ANKRD50: variants seen among roughly 807,000 people sequenced by gnomAD.
The protein encoded by ANKRD50 is ankyrin repeat domain-containing protein 50.
ANKRD50 carries 40 observed loss-of-function variants against 112.0 expected under a neutral mutation model. That is an observed-to-expected ratio of 0.36 (90% CI 0.28 to 0.46). The LOEUF (loss-of-function observed/expected upper bound fraction) is 0.46. Among genes scored for constraint, ANKRD50 ranks in the 20% least tolerant of loss-of-function variants. The pLI, the probability that ANKRD50 is intolerant of heterozygous loss-of-function variation, is 1.00. For synonymous variants in ANKRD50, 613 were observed against 619.1 expected, an observed-to-expected ratio of 0.99 and a Z score of 0.15; for missense variants, 1,487 against 1,701.7, an observed-to-expected ratio of 0.87 and a Z score of 2.22.
chr4:124,677,891 C>A (rs1374085316), intron 3 of ANKRD50, among the ~76,000 whole-genome samples: 1 of 152,010 alleles, frequency 6.6e-6, no homozygotes, highest in African/African-American at 2.4e-5. Flanking sequence ...GCCTGACATA[C>A]TAAATGCTAC....
intron 2 of ANKRD50, among the ~76,000 whole-genome samples, chr4:124,698,745 C>T (rs1725313574): frequency 1.3e-5 from 2 of 152,150 alleles, no homozygotes; most frequent in South Asian, 4.1e-4. Flanking sequence ...AATGCACAAA[C>T]CATCCAATTG....
In ANKRD50 at chr4:124,670,524, C is replaced by A. The variant is rs368050510; in HGVS notation, c.2753G>T (p.Arg918Leu). 6.2e-7 allele frequency: 1 copy of A among 1,613,426 alleles called. No homozygotes were observed. ...CCTGTGCCCTTCTAATGCAGCAACC[C>A]GCAGTGCATTTCTTCCATCATAACC... ...QRGYDGRNAL[R>L]VAALEGHRDI... Residue 918 changes from arginine (R) to leucine (L), a missense_variant, in exon 4 of 5, where the codon CGG (arginine) becomes CTG (leucine). Transcript: ENST00000504087.
chr4:124,682,980 A>G (rs1326201777), intron 2 of ANKRD50, among the ~76,000 whole-genome samples: 1 of 151,976 alleles, frequency 6.6e-6, no homozygotes, highest in Non-Finnish European at 1.5e-5. Flanking sequence ...GAATTGTTAG[A>G]TTAAGGGACA....
chr4:124,691,532 A>G (rs1338179722), intron 2 of ANKRD50, among the ~76,000 whole-genome samples: 2 of 149,654 alleles, frequency 1.3e-5, no homozygotes, highest in Admixed American at 1.3e-4. Context: ...AAAGGAGAAC[A>G]GTACTTAACA....
At chr4:124,690,618 A>C (rs182502559) in intron 2 of ANKRD50, among the ~76,000 whole-genome samples, 1 of 152,330 alleles carries the variant, frequency 6.6e-6, no homozygotes, top group Admixed American at 6.5e-5. Flanking sequence ...TTACAAATTA[A>C]AGTGTTACCT....
rs1301858383 is a variant in ANKRD50 at position 124,682,332 on chromosome 4, A to G, written c.513-3427T>C. Among the ~76,000 whole-genome samples, 11 of 71,216 alleles carry G rather than the reference A, an allele frequency of 1.5e-4. No individual in the cohort carries two copies. The East Asian group carries it at 5.7e-3, about 37-fold the overall frequency. The allele number at this position is 71,216 out of a possible 152,430, so 46.7% of individuals were successfully genotyped here. A position where few individuals can be genotyped will look rare whatever the true frequency, so the allele number is the denominator to read the frequency against. Reference sequence around the variant, plus strand: ...AGCAAGACTCCGTCTCAAAAAAAAAAAAAAAAAAAAAAAAAAAAAGAATGC... The same window carrying G: ...AGCAAGACTCCGTCTCAAAAAAAAAGAAAAAAAAAAAAAAAAAAAGAATGC... On this transcript the variant is annotated intron_variant, in intron 2 of 4. Coordinates refer to ENST00000504087, the MANE Select transcript of ANKRD50 (RefSeq NM_020337.3).
rs761605809 is a variant in ANKRD50, at chr4:124,671,200, CAATCTCTCT to C, written c.2068_2076del (p.Arg690_Ile692del). The C allele has an allele frequency of 6.2e-7, 1 of 1,613,912 alleles. No individual in the cohort carries two copies. The highest frequency in any genetic ancestry group is 8.5e-7 in the Non-Finnish European group (1 of 1,179,862). On this transcript the variant is annotated inframe_deletion, in exon 4 of 5. Transcript: ENST00000504087. The stretch of plus-strand genomic sequence containing the variant: ...GCTCCATGGTCCAGTAGGTGTTCCA[CAATCTCTCT>C]ATGTCCCATGTATGCTGCTGCTATC...
At chr4:124,676,958 T>G (rs909690445) in intron 3 of ANKRD50, among the ~76,000 whole-genome samples, 1 of 151,514 alleles carries the variant, frequency 6.6e-6, no homozygotes, top group Non-Finnish European at 1.5e-5. Flanking sequence ...ATAAACATAA[T>G]AGAGTATTTT....
At chr4:124,672,632 T>C in intron 3 of ANKRD50, 98 bp from the exon 4 acceptor site, 1 of 797,034 alleles carries the variant, frequency 1.3e-6, no homozygotes, top group Non-Finnish European at 1.9e-6. Flanking sequence ...AATAAATCAA[T>C]TAATAAATTA....
At chr4:124,711,542 G>T (rs949069531) in intron 1 of ANKRD50, among the ~76,000 whole-genome samples, 8 of 152,098 alleles carry the variant, frequency 5.3e-5, no homozygotes, top group South Asian at 2.1e-4. Context: ...GCAAAGGAGG[G>T]GGGGAGAAAC....
intron 1 of ANKRD50, among the ~76,000 whole-genome samples, 193 bp from the exon 2 acceptor site, chr4:124,711,467 T>C (rs980149063): frequency 6.6e-6 from 1 of 152,202 alleles, no homozygotes; most frequent in South Asian, 2.1e-4. Context: ...TTCTTCCTCA[T>C]TGTTATGCTT....
At chr4:124,684,998 A>G (rs1724974896) in intron 2 of ANKRD50, among the ~76,000 whole-genome samples, 1 of 151,852 alleles carries the variant, frequency 6.6e-6, no homozygotes, top group African/African-American at 2.4e-5. Context: ...CACAAGTTTT[A>G]CTCCTGAAAG....
chr4:124,673,412 AAAG>A (rs1210923523), intron 3 of ANKRD50, among the ~76,000 whole-genome samples: 2 of 152,138 alleles, frequency 1.3e-5, no homozygotes, highest in Non-Finnish European at 2.9e-5. Flanking sequence ...TCTAACATCT[AAAG>A]AAGAACTGGA....
chr4:124,708,515 A>C (rs992651930), intron 2 of ANKRD50, among the ~76,000 whole-genome samples: 7 of 152,020 alleles, frequency 4.6e-5, no homozygotes, highest in Admixed American at 3.9e-4. Flanking sequence ...ATTCTGTACC[A>C]TCCCTAACTC....
At chr4:124,708,011 A>G (rs1725543262) in intron 2 of ANKRD50, among the ~76,000 whole-genome samples, 1 of 152,120 alleles carries the variant, frequency 6.6e-6, no homozygotes, top group Non-Finnish European at 1.5e-5. Flanking sequence ...TAAATTATAA[A>G]TTACATACCT....
chr4:124,711,951 G>C (rs1223807682), intron 1 of ANKRD50, among the ~76,000 whole-genome samples: 1 of 152,166 alleles, frequency 6.6e-6, no homozygotes, highest in Admixed American at 6.5e-5. Context: ...AAAGAGTAGA[G>C]TGCTTCGGTG....
chr4:124,695,100 A>C (rs2110522072), intron 2 of ANKRD50, among the ~76,000 whole-genome samples: 1 of 152,342 alleles, frequency 6.6e-6, no homozygotes, highest in Non-Finnish European at 1.5e-5. Context: ...TCTTGTTTAT[A>C]GAAACTTCTA....
chr4:124,678,908 G>A lies in ANKRD50; in HGVS notation c.513-3C>T. The stretch of plus-strand genomic sequence containing the variant: ...CCAGAAGAGGGAGTAGAACACACCT[G>A]TAAAACACATACACATGAGCATTTT... On this transcript the variant is annotated splice_polypyrimidine_tract_variant and splice_region_variant and intron_variant, in intron 2 of 4. Transcript: ENST00000504087. 6.3e-7 allele frequency: 1 copy of A among 1,587,134 alleles called. No homozygotes were observed. Among genetic ancestry groups the A allele is most frequent in the Non-Finnish European group, 8.6e-7 (1 of 1,156,432 alleles).
chr4:124,680,229 T>G (rs1724850137), intron 2 of ANKRD50, among the ~76,000 whole-genome samples: 1 of 152,162 alleles, frequency 6.6e-6, no homozygotes, highest in South Asian at 2.1e-4. Context: ...GAGACTAAAT[T>G]GGTTTTACTC....
Sources: allele counts gnomAD v4.1 joint callset (sites outside exome capture counted in the v4.1 genomes callset), GRCh38; gene constraint gnomAD v4.1.1; transcripts MANE v1.5; gene names NCBI Gene and HGNC (gene_info 2026-07-23, HGNC 2026-07-21).